The following NCAM2 variants were observed in gnomAD, a reference collection of about 807,000 sequenced individuals.
NCAM2 encodes N-CAM-2.
NCAM2 carries 30 observed loss-of-function variants against 98.1 expected under a neutral mutation model. The ratio of observed to expected loss-of-function variants is 0.31; its 90% CI spans 0.23 to 0.41. The LOEUF (loss-of-function observed/expected upper bound fraction) is 0.41, where lower values mean the gene tolerates loss of function less well. NCAM2 is among the 10% of genes least tolerant of loss of function. The pLI, the probability that NCAM2 is intolerant of heterozygous loss-of-function variation, is 1.00. For missense variants in NCAM2, 867 were observed against 1,005.8 expected (o/e 0.86, Z 1.87); for synonymous variants, 368 against 342.4 (o/e 1.07, Z -0.83).
At chr21:21,049,852 A>G (rs566552226) in intron 1 of NCAM2, among the ~76,000 whole-genome samples, 1 of 151,234 alleles carries the variant, frequency 6.6e-6, no homozygotes, top group South Asian at 2.1e-4. Context: ...GCCTGGGCAA[A>G]AAGAGTGAAA....
intron 15 of NCAM2, among the ~76,000 whole-genome samples, chr21:21,486,627 G>C (rs1459474973): frequency 6.6e-6 from 1 of 152,104 alleles, no homozygotes; most frequent in African/African-American, 2.4e-5. Flanking sequence ...AGACATTTCT[G>C]TGAGAATTTC....
At chr21:21,046,905 A>C (rs1208509221) in intron 1 of NCAM2, among the ~76,000 whole-genome samples, 1 of 152,194 alleles carries the variant, frequency 6.6e-6, no homozygotes, top group Non-Finnish European at 1.5e-5. Flanking sequence ...AAAATTTGAT[A>C]ATTGTTTTGT....
At chr21:21,280,779 G>C (rs1012523) in intron 2 of NCAM2, 127 bp downstream of exon 2, 1 of 612,432 alleles carries the variant, frequency 1.6e-6, no homozygotes, top group South Asian at 2.4e-5. Flanking sequence ...TTGGTTTTTT[G>C]TTTTTGTTTT....
intron 1 of NCAM2, among the ~76,000 whole-genome samples, chr21:21,086,619 T>C (rs2065910001): frequency 6.6e-6 from 1 of 152,116 alleles, no homozygotes; most frequent in African/African-American, 2.4e-5. Flanking sequence ...AGAAATGAAA[T>C]ATTTTTCAGT....
In NCAM2 at chr21:21,317,897, A is replaced by G. The variant is rs187654355; in HGVS notation, c.620-6486A>G. Among the ~76,000 whole-genome samples the G allele has an allele frequency of 2.1e-3, 314 of 152,300 alleles. 1 individual carries two copies. Among genetic ancestry groups the G allele is most frequent in the Non-Finnish European group, 3.1e-3 (210 of 68,028 alleles). On this transcript the variant is annotated intron_variant, in intron 5 of 17. Transcript: ENST00000400546. ...CCATTTTGTACCCCAGGTGGTCCCA[A>G]AACTTTTCTTTAATGTATAGGTTGA...
chr21:21,480,906 A>G (rs1985820164), intron 15 of NCAM2, among the ~76,000 whole-genome samples: 1 of 152,236 alleles, frequency 6.6e-6, no homozygotes, highest in South Asian at 2.1e-4. Context: ...AGAATTTTGT[A>G]GGAGAAGCAA....
rs542872356 is a variant in NCAM2 at position 21,275,224 on chromosome 21, A to G, written c.56-5354A>G. On this transcript the variant is annotated intron_variant, in intron 1 of 17. Coordinates refer to ENST00000400546, the MANE Select transcript of NCAM2 (RefSeq NM_004540.5). ...GGGAGGCCGAGGCGGGTGGATCACC[A>G]GGTCAGGAGATTGAGACCATCCTGG... Among the ~76,000 whole-genome samples, 899 of 151,954 alleles carry G rather than the reference A, an allele frequency of 5.9e-3. 12 individuals carry two copies. The highest frequency in any genetic ancestry group is 0.021 in the African/African-American group (854 of 41,524).
At chr21:21,247,820 A>G (rs1013395240) in intron 1 of NCAM2, among the ~76,000 whole-genome samples, 39 of 152,296 alleles carry the variant, frequency 2.6e-4, no homozygotes, top group African/African-American at 8.4e-4. Context: ...ATCTGAATGA[A>G]AATATTTTTC....
chr21:21,508,998 A>C lies in NCAM2; in HGVS notation c.2225A>C (p.Lys742Thr), dbSNP rs904554188. 3 of 1,613,514 alleles carry C rather than the reference A, an allele frequency of 1.9e-6. No homozygotes were observed. Among genetic ancestry groups the C allele is most frequent in the African/African-American group, 2.7e-5 (2 of 74,846 alleles). ...TGCATCACTAGGAGAATGTGTGGAA[A>C]GAAAAGTGGCTCCAGTGGCAAAAGT... ...LMCITRRMCGKKSGSSGKSKE... is the reference protein window; with the variant it reads ...LMCITRRMCGTKSGSSGKSKE... Residue 742 changes from lysine (K) to threonine (T), a missense_variant, in exon 16 of 18, where the codon AAG becomes ACG. Coordinates refer to ENST00000400546, the MANE Select transcript of NCAM2 (RefSeq NM_004540.5).
intron 15 of NCAM2, among the ~76,000 whole-genome samples, chr21:21,480,030 T>A (rs1047667519): frequency 6.6e-6 from 1 of 151,970 alleles, no homozygotes; most frequent in Non-Finnish European, 1.5e-5. Context: ...CCCCAAAATC[T>A]CCACAGTCTG....
At chr21:21,125,789 C>A in intron 1 of NCAM2, among the ~76,000 whole-genome samples, 1 of 147,946 alleles carries the variant, frequency 6.8e-6, no homozygotes. Context: ...ACCTACTTTT[C>A]AAAATTGTTA....
chr21:21,269,852 A>G (rs1165747540), intron 1 of NCAM2, among the ~76,000 whole-genome samples: 1 of 152,174 alleles, frequency 6.6e-6, no homozygotes, highest in Non-Finnish European at 1.5e-5. Flanking sequence ...CTGTTAAGCA[A>G]TGTAAGTGTT....
In NCAM2 at chr21:21,177,535, T is replaced by C. The variant is rs571660912; in HGVS notation, c.56-103043T>C. ...AATTATAAGTGAATTATAGTGTTTT[T>C]ATTGCATAGTCATCTATGAATAGCA... is the stretch of plus-strand genomic sequence containing the variant. On this transcript the variant is annotated intron_variant, in intron 1 of 17. Transcript: ENST00000400546. Among the ~76,000 whole-genome samples the C allele has an allele frequency of 2.0e-4, 31 of 152,256 alleles. No individual in the cohort carries two copies. In the South Asian group the frequency reaches 6.0e-3, roughly 30 times the overall value.
At chr21:21,265,459 A>G (rs983683895) in intron 1 of NCAM2, among the ~76,000 whole-genome samples, 3 of 141,696 alleles carry the variant, frequency 2.1e-5, no homozygotes, top group African/African-American at 7.7e-5. Flanking sequence ...CACATATATA[A>G]TATATGTGTG....
chr21:21,007,003 G>T (rs1219578847), intron 1 of NCAM2, among the ~76,000 whole-genome samples: 1 of 152,130 alleles, frequency 6.6e-6, no homozygotes, highest in Non-Finnish European at 1.5e-5. Context: ...ATTTCTGCAG[G>T]TTTTGAATGT....
At chr21:21,069,656 A>G (rs1347882870) in intron 1 of NCAM2, among the ~76,000 whole-genome samples, 1 of 151,960 alleles carries the variant, frequency 6.6e-6, no homozygotes, top group East Asian at 1.9e-4. Flanking sequence ...TTGTGGGACT[A>G]GGTTAATACC....
At chr21:21,367,826 A>G (rs896577588) in intron 8 of NCAM2, among the ~76,000 whole-genome samples, 1 of 151,898 alleles carries the variant, frequency 6.6e-6, no homozygotes, top group Non-Finnish European at 1.5e-5. Context: ...CAGGCTTTAG[A>G]GATTATAGGT....
At chr21:21,400,508 A>G (rs1279242345) in intron 9 of NCAM2, among the ~76,000 whole-genome samples, 1 of 152,024 alleles carries the variant, frequency 6.6e-6, no homozygotes, top group African/African-American at 2.4e-5. Flanking sequence ...TAATACATTT[A>G]CCACCAAGGA....
At chr21:21,304,024 A>G (rs191470077) in intron 5 of NCAM2, among the ~76,000 whole-genome samples, 1 of 152,310 alleles carries the variant, frequency 6.6e-6, no homozygotes, top group African/African-American at 2.4e-5. Context: ...CACTTACCAA[A>G]TATGTGATTT....
Sources: gnomAD v4.1 joint callset for allele counts (sites outside exome capture counted in the v4.1 genomes callset) on GRCh38, gnomAD v4.1.1 for gene constraint, MANE v1.5 for transcripts, NCBI Gene and HGNC (gene_info 2026-07-23, HGNC 2026-07-21) for gene names.